Variants in CDKAL1 observed in about 807,000 individuals in gnomAD.
CDKAL1 encodes threonylcarbamoyladenosine tRNA methylthiotransferase.
In CDKAL1, 32 loss-of-function variants were observed where a neutral mutation model predicts 68.2. That is an observed-to-expected ratio of 0.47 (90% CI 0.35 to 0.63). The LOEUF is 0.63. Ranked by LOEUF, CDKAL1 falls within the 30% of genes least tolerant of loss-of-function variation. CDKAL1 has a pLI of 0.00. For missense variants in CDKAL1, 606 were observed against 696.7 expected, an observed-to-expected ratio of 0.87 and a Z score of 1.47; for synonymous variants, 234 against 244.3, an observed-to-expected ratio of 0.96 and a Z score of 0.39.
chr6:20,575,350 A>T (rs556361443), intron 4 of CDKAL1, among the ~76,000 whole-genome samples: 1 of 151,170 alleles, frequency 6.6e-6, no homozygotes, highest in East Asian at 1.9e-4. Context: ...TGCACAAAAA[A>T]CCTGTTAGAA....
chr6:20,550,403 G>C (rs953167317), intron 4 of CDKAL1, among the ~76,000 whole-genome samples: 26 of 152,148 alleles, frequency 1.7e-4, no homozygotes, highest in African/African-American at 5.6e-4. Context: ...ATCTTGTTCA[G>C]GCTGGCTCCT....
At chr6:20,913,653 C>T (rs1490938649) in intron 9 of CDKAL1, among the ~76,000 whole-genome samples, 1 of 152,160 alleles carries the variant, frequency 6.6e-6, no homozygotes, top group African/African-American at 2.4e-5. Flanking sequence ...GAGGTTCTCT[C>T]TTTCCATCCA....
chr6:20,646,048 A>T (rs1443756292), intron 4 of CDKAL1, among the ~76,000 whole-genome samples: 4 of 87,366 alleles, frequency 4.6e-5, no homozygotes, highest in South Asian at 4.6e-4. Context: ...TCACGGTTAA[A>T]TTTTTTTTTT....
At chr6:21,147,795 A>C (rs577648314) in intron 13 of CDKAL1, among the ~76,000 whole-genome samples, 4 of 140,356 alleles carry the variant, frequency 2.8e-5, no homozygotes, top group African/African-American at 1.1e-4. Context: ...AACAAGCTAT[A>C]AAATGATTTT....
Position 21,160,495 on chromosome 6 carries a change from A to C in CDKAL1, c.1300-37526A>C, listed in dbSNP as rs1482607895. ...GCATTTTTAGTAGAGACGGGGTTTCACCGTGTTGGTCAGGCTGGTCTCGAA... is the reference window on the plus strand; with the variant it reads ...GCATTTTTAGTAGAGACGGGGTTTCCCCGTGTTGGTCAGGCTGGTCTCGAA... On this transcript the variant is annotated intron_variant, in intron 13 of 15. Coordinates refer to ENST00000274695, the MANE Select transcript of CDKAL1 (RefSeq NM_017774.3). 2.7e-5 allele frequency among the ~76,000 whole-genome samples: 4 copies of C among 150,338 alleles called. No individual in the cohort carries two copies. The East Asian group carries it at 7.9e-4, about 30-fold the overall frequency.
At chr6:20,574,402 A>G (rs1052821472) in intron 4 of CDKAL1, among the ~76,000 whole-genome samples, 2 of 152,164 alleles carry the variant, frequency 1.3e-5, no homozygotes, top group Non-Finnish European at 2.9e-5. Context: ...AGGTACCCCT[A>G]TACCTCCACT....
intron 9 of CDKAL1, among the ~76,000 whole-genome samples, chr6:20,857,627 A>C (rs906665079): frequency 6.6e-5 from 10 of 152,234 alleles, no homozygotes; most frequent in Admixed American, 6.5e-4. Flanking sequence ...TTTTCAAAAC[A>C]ATCATTTCAA....
chr6:20,643,670 T>A (rs1362104856), intron 4 of CDKAL1, among the ~76,000 whole-genome samples: 1 of 152,228 alleles, frequency 6.6e-6, no homozygotes, highest in Non-Finnish European at 1.5e-5. Context: ...AAATAAGGCC[T>A]CTGCTGGGTG....
At chr6:20,780,392 TTTTG>T (rs1338104502) in intron 7 of CDKAL1, among the ~76,000 whole-genome samples, 1 of 152,130 alleles carries the variant, frequency 6.6e-6, no homozygotes, top group African/African-American at 2.4e-5. Flanking sequence ...TATCTCAGCT[TTTTG>T]TTTATTTACT....
intron 13 of CDKAL1, among the ~76,000 whole-genome samples, chr6:21,138,449 C>A (rs1489995834): frequency 6.6e-6 from 1 of 152,206 alleles, no homozygotes; most frequent in Non-Finnish European, 1.5e-5. Flanking sequence ...GCCAAGTGAA[C>A]CTGGCTTGGA....
At chr6:20,632,306 C>T (rs1184431707) in intron 4 of CDKAL1, among the ~76,000 whole-genome samples, 1 of 152,152 alleles carries the variant, frequency 6.6e-6, no homozygotes, top group Non-Finnish European at 1.5e-5. Context: ...GTTCATTGCC[C>T]AGCATCTCGA....
intron 11 of CDKAL1, among the ~76,000 whole-genome samples, chr6:21,023,075 T>C (rs1372103433): frequency 3.3e-5 from 5 of 152,202 alleles, no homozygotes; most frequent in Non-Finnish European, 7.3e-5. Context: ...CATTAGCAGT[T>C]TGCTTAATGT....
chr6:21,176,803 T>C (rs1014630100), intron 13 of CDKAL1, among the ~76,000 whole-genome samples: 13 of 151,014 alleles, frequency 8.6e-5, no homozygotes, highest in African/African-American at 3.2e-4. Context: ...CAAGTGATTC[T>C]CTTGCCTCAG....
intron 10 of CDKAL1, among the ~76,000 whole-genome samples, chr6:20,957,008 T>TTA (rs1234031957): frequency 4.4e-5 from 5 of 113,836 alleles, no homozygotes; most frequent in Non-Finnish European, 5.1e-5. Context: ...TGATTCTCTG[T>TTA]AAAAAAAAAA....
chr6:20,566,357 C>T (rs1025723468), intron 4 of CDKAL1, among the ~76,000 whole-genome samples: 8 of 152,078 alleles, frequency 5.3e-5, no homozygotes, highest in African/African-American at 9.7e-5. Flanking sequence ...TTTCGATCCT[C>T]TGTGTTGGTT....
chr6:21,106,940 C>CTTT lies in CDKAL1; in HGVS notation c.1237-1444_1237-1442dup, dbSNP rs5874802. ...ATCACAGTGGATGAGGAGAAAGCCA[C>CTTT]TTTTTTTTTTTTTTTTTTTGAGATG... On this transcript the variant is annotated intron_variant, in intron 12 of 15. Transcript: ENST00000274695. 1.9e-3 allele frequency among the ~76,000 whole-genome samples: 221 copies of CTTT among 117,232 alleles called. 4 individuals carry two copies. Among genetic ancestry groups the CTTT allele is most frequent in the Non-Finnish European group, 1.6e-3 (96 of 59,620 alleles). 76.9% of individuals were successfully genotyped at this position (117,232 alleles called of 152,430 possible).
chr6:20,763,214 C>G (rs1156762586), intron 7 of CDKAL1, among the ~76,000 whole-genome samples: 1 of 152,104 alleles, frequency 6.6e-6, no homozygotes, highest in Non-Finnish European at 1.5e-5. Context: ...GTCTCTCCTT[C>G]CCTCCCTGCC....
intron 5 of CDKAL1, among the ~76,000 whole-genome samples, chr6:20,659,338 T>C (rs1245977851): frequency 1.3e-5 from 2 of 152,198 alleles, no homozygotes. Context: ...GGCTATAGTT[T>C]AGTATCAGTT....
chr6:20,557,521 T>A (rs912330933), intron 4 of CDKAL1, among the ~76,000 whole-genome samples: 1 of 152,218 alleles, frequency 6.6e-6, no homozygotes, highest in African/African-American at 2.4e-5. Context: ...TATTTTCAGA[T>A]AATTTTCCAA....
Sources: allele counts gnomAD v4.1 joint callset (sites outside exome capture counted in the v4.1 genomes callset), GRCh38; gene constraint gnomAD v4.1.1; transcripts MANE v1.5; gene names NCBI Gene and HGNC (gene_info 2026-07-23, HGNC 2026-07-21).